Variants in MACROD2 observed in about 807,000 individuals in gnomAD.
The protein encoded by MACROD2 is ADP-ribose glycohydrolase MACROD2.
Under a neutral mutation model 70.4 loss-of-function variants are expected in MACROD2, and 36 were observed. The observed-to-expected ratio is 0.51, with a 90% CI of 0.39 to 0.68. The LOEUF (loss-of-function observed/expected upper bound fraction) is 0.68, where lower values mean the gene tolerates loss of function less well. Among genes scored for constraint, MACROD2 ranks in the 30% least tolerant of loss-of-function variants. The pLI is 0.00. For synonymous variants in MACROD2, 172 were observed against 178.8 expected (o/e 0.96, Z 0.30); for missense variants, 496 against 538.4 (o/e 0.92, Z 0.78).
chr20:14,365,900 T>C (rs2083267322), intron 3 of MACROD2, among the ~76,000 whole-genome samples: 1 of 152,216 alleles, frequency 6.6e-6, no homozygotes, highest in Admixed American at 6.5e-5. Flanking sequence ...TTTATGTATT[T>C]GTGAATATTC....
intron 17 of MACROD2, among the ~76,000 whole-genome samples, chr20:16,047,924 T>C (rs6080105): frequency 0.87 from 131,897 of 152,216 alleles, 57,272 homozygotes; most frequent in East Asian, 0.88. Context: ...AAGAAATTAA[T>C]AGAAAGACTT....
At chr20:15,434,531 G>A (rs2046404266) in intron 7 of MACROD2, among the ~76,000 whole-genome samples, 1 of 152,084 alleles carries the variant, frequency 6.6e-6, no homozygotes, top group African/African-American at 2.4e-5. Flanking sequence ...AGATGTTGTG[G>A]TGGATGTGGT....
In MACROD2 at chr20:14,580,524, G is replaced by A. The variant is rs146849350; in HGVS notation, c.301+87016G>A. Among the ~76,000 whole-genome samples the A allele has an allele frequency of 4.6e-5, 7 of 152,204 alleles. No individual in the cohort carries two copies. In the East Asian group the frequency reaches 1.3e-3, roughly 29 times the overall value. On this transcript the variant is annotated intron_variant, in intron 4 of 17. Coordinates refer to ENST00000684519, the MANE Select transcript of MACROD2 (RefSeq NM_001351661.2). Reference sequence around the variant, plus strand: ...CTGTCAAGCAAAAATTGGATGTCATGTCTTGTATCTGCATTTTGTATTTCA... The same window carrying A: ...CTGTCAAGCAAAAATTGGATGTCATATCTTGTATCTGCATTTTGTATTTCA...
intron 15 of MACROD2, among the ~76,000 whole-genome samples, chr20:16,038,419 A>G (rs958816807): frequency 6.6e-6 from 1 of 151,876 alleles, no homozygotes; most frequent in Non-Finnish European, 1.5e-5. Flanking sequence ...TTTCATCTGC[A>G]ATTTAGGCTT....
intron 3 of MACROD2, among the ~76,000 whole-genome samples, chr20:14,286,533 A>G (rs969475067): frequency 6.6e-6 from 1 of 152,082 alleles, no homozygotes; most frequent in African/African-American, 2.4e-5. Context: ...TTTATTTTTA[A>G]TCATCTTTTG....
At chr20:14,681,453 G>GGT (rs2070931385) in intron 4 of MACROD2, among the ~76,000 whole-genome samples, 1 of 152,100 alleles carries the variant, frequency 6.6e-6, no homozygotes, top group Non-Finnish European at 1.5e-5. Flanking sequence ...TACAACACAG[G>GGT]TGAATCTCAG....
intron 8 of MACROD2, among the ~76,000 whole-genome samples, chr20:15,740,466 A>G (rs2051087706): frequency 6.6e-6 from 1 of 152,190 alleles, no homozygotes; most frequent in East Asian, 1.9e-4. Flanking sequence ...AGACTCATAA[A>G]CAAATGGAAG....
intron 3 of MACROD2, among the ~76,000 whole-genome samples, chr20:14,411,334 T>C (rs933878824): frequency 1.3e-5 from 2 of 152,076 alleles, no homozygotes; most frequent in Non-Finnish European, 2.9e-5. Flanking sequence ...AGGGAGTAGT[T>C]AGTCACCGGC....
chr20:15,258,682 A>T (rs1047474985), intron 6 of MACROD2, among the ~76,000 whole-genome samples: 34 of 152,196 alleles, frequency 2.2e-4, no homozygotes, highest in Admixed American at 4.6e-4. Flanking sequence ...ATCATTAACC[A>T]ATGCATGATG....
intron 8 of MACROD2, among the ~76,000 whole-genome samples, chr20:15,674,758 G>GTA: frequency 6.6e-6 from 1 of 150,752 alleles, no homozygotes; most frequent in South Asian, 2.1e-4. Flanking sequence ...TGTGTGTTGT[G>GTA]TGTGTGTGTG....
At chr20:14,127,812 G>T in intron 3 of MACROD2, 1 of 462,324 alleles carries the variant, frequency 2.2e-6, no homozygotes. Context: ...AGAGAAAGGA[G>T]AGAAGGAGAA....
At chr20:15,275,460 G>A (rs547562232) in intron 6 of MACROD2, among the ~76,000 whole-genome samples, 3 of 152,260 alleles carry the variant, frequency 2.0e-5, no homozygotes, top group South Asian at 2.1e-4. Context: ...GATATCCATG[G>A]CATCTAACAA....
chr20:14,413,768 A>G (rs2083773820), intron 3 of MACROD2, among the ~76,000 whole-genome samples: 1 of 152,174 alleles, frequency 6.6e-6, no homozygotes, highest in African/African-American at 2.4e-5. Flanking sequence ...ACCATGTACC[A>G]TGTGATGAAA....
chr20:15,976,829 G>T (rs2066313371), intron 13 of MACROD2, among the ~76,000 whole-genome samples: 3 of 152,222 alleles, frequency 2.0e-5, no homozygotes, highest in Non-Finnish European at 4.4e-5. Context: ...GACAGGTTTA[G>T]AGGGCAAGGA....
At chr20:14,375,034 T>A (rs1160618793) in intron 3 of MACROD2, among the ~76,000 whole-genome samples, 2 of 152,170 alleles carry the variant, frequency 1.3e-5, no homozygotes, top group Non-Finnish European at 2.9e-5. Flanking sequence ...TTTATAAAGA[T>A]CATGGGTTGT....
chr20:15,957,835 C>G (rs961906139), intron 12 of MACROD2, among the ~76,000 whole-genome samples: 6 of 152,132 alleles, frequency 3.9e-5, no homozygotes, highest in Admixed American at 2.6e-4. Flanking sequence ...ATGAGTTTTC[C>G]TCTCCAGTGA....
At chr20:15,118,681 G>A (rs921484880) in intron 5 of MACROD2, among the ~76,000 whole-genome samples, 3 of 152,170 alleles carry the variant, frequency 2.0e-5, no homozygotes, top group Non-Finnish European at 4.4e-5. Flanking sequence ...GACATTCACT[G>A]TATGAAGGGT....
chr20:15,321,168 A>G (rs1292685821), intron 6 of MACROD2, among the ~76,000 whole-genome samples: 1 of 106,394 alleles, frequency 9.4e-6, no homozygotes, highest in Non-Finnish European at 2.4e-5. Flanking sequence ...CCAGGCAGAC[A>G]GTGAGCAGAA....
At chr20:15,900,001 C>T (rs1021636898) in intron 10 of MACROD2, among the ~76,000 whole-genome samples, 2 of 152,122 alleles carry the variant, frequency 1.3e-5, no homozygotes, top group African/African-American at 4.8e-5. Flanking sequence ...GCAGAATTTT[C>T]TCTCTGCCCC....
Sources: allele counts gnomAD v4.1 joint callset (sites outside exome capture counted in the v4.1 genomes callset), GRCh38; gene constraint gnomAD v4.1.1; transcripts MANE v1.5; gene names NCBI Gene and HGNC (gene_info 2026-07-23, HGNC 2026-07-21).